The following DNAJC7 variants were observed in gnomAD, a reference collection of about 807,000 sequenced individuals.
DNAJC7 encodes DnaJ heat shock protein family (Hsp40) member C7.
In DNAJC7, 18 loss-of-function variants were observed where a neutral mutation model predicts 67.4. The observed-to-expected ratio is 0.27, with a 90% CI of 0.18 to 0.40. DNAJC7 has a LOEUF of 0.40. Ranked by LOEUF, DNAJC7 falls within the 10% of genes least tolerant of loss-of-function variation. DNAJC7 has a pLI of 1.00. For synonymous variants in DNAJC7, 220 were observed against 207.8 expected, an observed-to-expected ratio of 1.06 and a Z score of -0.50; for missense variants, 419 against 613.8, an observed-to-expected ratio of 0.68 and a Z score of 3.35.
chr17:41,986,823 G>A (rs1196552220), intron 9 of DNAJC7, among the ~76,000 whole-genome samples: 1 of 152,102 alleles, frequency 6.6e-6, no homozygotes, highest in African/African-American at 2.4e-5. Context: ...TATTTTAAGT[G>A]AGATAATTTT....
intron 13 of DNAJC7, chr17:41,977,007 G>T: frequency 1.6e-6 from 1 of 643,248 alleles, no homozygotes; most frequent in African/African-American, 1.8e-5. Flanking sequence ...TTGCAGAGAA[G>T]CCTTGGTACT....
At chr17:41,977,132 A>C in intron 13 of DNAJC7, 129 bp downstream of exon 13, 2 of 941,420 alleles carry the variant, frequency 2.1e-6, no homozygotes, top group Non-Finnish European at 3.2e-6. Flanking sequence ...GAGTGGATAG[A>C]TGCCCTGCTA....
chr17:42,005,986 C>A (rs2051941529), intron 1 of DNAJC7, among the ~76,000 whole-genome samples: 1 of 151,720 alleles, frequency 6.6e-6, no homozygotes, highest in Admixed American at 6.6e-5. Flanking sequence ...GACTGTCACC[C>A]AGGCTAGAGT....
At position 41,992,963 on chromosome 17, in the gene DNAJC7, T is replaced by C. The variant is rs562314603; in HGVS notation, c.480+1907A>G. Among the ~76,000 whole-genome samples the C allele has an allele frequency of 2.6e-5, 4 of 152,288 alleles. No homozygotes were observed. The South Asian group carries it at 6.2e-4, about 24-fold the overall frequency. On this transcript the variant is annotated intron_variant, in intron 5 of 13. Coordinates refer to ENST00000457167, the MANE Select transcript of DNAJC7 (RefSeq NM_003315.4). ...CTCAGAAAACTGACAGTAGGCAGAA[T>C]TGCTTTCCAAACACACACATGCCAA...
Position 41,977,193 on chromosome 17 carries a change from C to A in DNAJC7, c.1447+68G>T. On this transcript the variant is annotated intron_variant, in intron 13 of 13. Coordinates refer to ENST00000457167, the MANE Select transcript of DNAJC7 (RefSeq NM_003315.4). ...ATGGGCCCCTCTGACTCCCAAAGAG[C>A]TGCCTAAGAGGCAATGAGTGTGTTG... 7 of 1,471,702 alleles carry A rather than the reference C, an allele frequency of 4.8e-6. No individual in the cohort carries two copies. The South Asian group carries it at 8.6e-5, about 18-fold the overall frequency. 91.2% of individuals were successfully genotyped at this position (1,471,702 alleles called of 1,614,324 possible). A position where few individuals can be genotyped will look rare whatever the true frequency, so the allele number is the denominator to read the frequency against.
rs528069693 is a variant in DNAJC7, at chr17:41,990,327, T to C, written c.536A>G (p.Lys179Arg). 2.5e-6 allele frequency: 4 copies of C among 1,612,000 alleles called. No homozygotes were observed. The highest frequency in any genetic ancestry group is 1.1e-5 in the South Asian group (1 of 90,406). The stretch of plus-strand genomic sequence containing the variant: ...TGCTAAACATTCTGCCTTGAGGATT[T>C]TGAAGCGATGGCAGGCAGGGGCAAA... ...LEFAPACHRFKILKAECLAML... is the reference protein window; with the variant it reads ...LEFAPACHRFRILKAECLAML... The change falls in exon 6 of 14, where the codon AAA becomes AGA. Residue 179 changes from lysine (K) to arginine (R), a missense_variant. Coordinates refer to ENST00000457167, the MANE Select transcript of DNAJC7 (RefSeq NM_003315.4).
intron 1 of DNAJC7, among the ~76,000 whole-genome samples, chr17:42,001,224 C>T (rs986432626): frequency 5.9e-5 from 9 of 152,108 alleles, no homozygotes; most frequent in African/African-American, 1.9e-4. Flanking sequence ...CTATAAGGAG[C>T]ACCCATCCAC....
chr17:41,984,336 C>T (rs966339348), intron 9 of DNAJC7: 2 of 145,244 alleles, frequency 1.4e-5, no homozygotes, highest in Non-Finnish European at 3.0e-5. Flanking sequence ...TGGAGTCTCG[C>T]TCTGTTGCCC....
chr17:41,998,730 A>C (rs2051725562), intron 2 of DNAJC7, among the ~76,000 whole-genome samples: 1 of 152,354 alleles, frequency 6.6e-6, no homozygotes, highest in South Asian at 2.1e-4. Context: ...CAAATTAAGC[A>C]TGGAGATAAC....
At chr17:42,009,343 G>C (rs1271096046) in intron 1 of DNAJC7, among the ~76,000 whole-genome samples, 2 of 152,162 alleles carry the variant, frequency 1.3e-5, no homozygotes, top group Non-Finnish European at 2.9e-5. Flanking sequence ...TGCACCAGAG[G>C]AGTCACAGAC....
chr17:41,994,388 C>T (rs543939073), intron 5 of DNAJC7, among the ~76,000 whole-genome samples: 2 of 150,838 alleles, frequency 1.3e-5, no homozygotes, highest in African/African-American at 2.4e-5. Flanking sequence ...AACTACAAAA[C>T]TTAGCCAGGT....
intron 1 of DNAJC7, among the ~76,000 whole-genome samples, chr17:42,006,607 A>T (rs1303618813): frequency 6.7e-6 from 1 of 148,648 alleles, no homozygotes; most frequent in African/African-American, 2.5e-5. Flanking sequence ...GACCAGCCTC[A>T]TCAATATGGT....
intron 4 of DNAJC7, 52 bp downstream of exon 4, chr17:41,996,259 T>C (rs565785377): frequency 6.3e-7 from 1 of 1,585,704 alleles, no homozygotes; most frequent in African/African-American, 1.3e-5. Flanking sequence ...TAGCCACTCC[T>C]CCCAAATATA....
At chr17:41,999,940 T>C (rs1371347724) in intron 2 of DNAJC7, among the ~76,000 whole-genome samples, 3 of 150,516 alleles carry the variant, frequency 2.0e-5, no homozygotes, top group Non-Finnish European at 4.4e-5. Context: ...TGCCTCAGCC[T>C]CCCAAGTAGC....
At chr17:41,986,606 T>A (rs1375095183) in intron 9 of DNAJC7, among the ~76,000 whole-genome samples, 12 of 151,538 alleles carry the variant, frequency 7.9e-5, no homozygotes, top group African/African-American at 2.4e-4. Flanking sequence ...TTTGCGTCTG[T>A]TAAAGTCAGT....
At chr17:41,996,538 A>C in intron 3 of DNAJC7, 114 bp from the exon 4 acceptor site, 7 of 835,684 alleles carry the variant, frequency 8.4e-6, no homozygotes, top group Non-Finnish European at 1.3e-5. Context: ...GCGGTGACTC[A>C]CACCTGTAAT....
intron 3 of DNAJC7, among the ~76,000 whole-genome samples, 190 bp downstream of exon 3, chr17:41,996,925 G>A (rs144787217): frequency 6.6e-6 from 1 of 152,126 alleles, no homozygotes; most frequent in Non-Finnish European, 1.5e-5. Flanking sequence ...GGGCAGAGGG[G>A]GTGCTACTCA....
At chr17:41,981,717 G>T in intron 12 of DNAJC7, 138 bp downstream of exon 12, 1 of 1,229,220 alleles carries the variant, frequency 8.1e-7, no homozygotes, top group Non-Finnish European at 1.1e-6. Flanking sequence ...GACTGCATTT[G>T]TTTGACTCCA....
chr17:41,981,071 T>C (rs569837690), intron 12 of DNAJC7, among the ~76,000 whole-genome samples: 1 of 152,274 alleles, frequency 6.6e-6, no homozygotes, highest in East Asian at 1.9e-4. Flanking sequence ...AGTCTCACTC[T>C]GTTGCCCAGG....
Sources: allele counts gnomAD v4.1 joint callset (sites outside exome capture counted in the v4.1 genomes callset), GRCh38; gene constraint gnomAD v4.1.1; transcripts MANE v1.5; gene names NCBI Gene and HGNC (gene_info 2026-07-23, HGNC 2026-07-21).